The following CMPK2 variants were observed in gnomAD, a reference collection of about 807,000 sequenced individuals.
CMPK2 encodes UMP-CMP kinase 2, mitochondrial.
CMPK2 carries 32 observed loss-of-function variants against 33.4 expected under a neutral mutation model. The observed-to-expected ratio is 0.96, with a 90% CI of 0.72 to 1.29. CMPK2 has a LOEUF of 1.29. CMPK2 is among the 50% of genes most tolerant of loss of function. CMPK2 has a pLI of 0.00. For missense variants in CMPK2, 672 were observed against 616.0 expected (o/e 1.09, Z -0.96); for synonymous variants, 299 against 275.3 (o/e 1.09, Z -0.85).
At chr2:6,841,420 A>C (rs972008809) in intron 3 of CMPK2, among the ~76,000 whole-genome samples, 1 of 152,156 alleles carries the variant, frequency 6.6e-6, no homozygotes, top group African/African-American at 2.4e-5. Flanking sequence ...AGATCTTATA[A>C]GCATTAACAA....
rs1434090167 is a variant in CMPK2, at chr2:6,848,627, G to A, written c.*1223C>T. The A allele has an allele frequency of 1.0e-6, 1 of 966,458 alleles. No individual in the cohort carries two copies. The highest frequency in any genetic ancestry group is 1.2e-6 in the Non-Finnish European group (1 of 812,534). The allele number at this position is 966,458 out of a possible 1,614,324, so 59.9% of individuals were successfully genotyped here. Reference sequence around the variant, plus strand: ...AGATTCTATATGCAGACCTGATAAAGCCTTAAATTTAATTATTTTGGAGTA... The same window carrying A: ...AGATTCTATATGCAGACCTGATAAAACCTTAAATTTAATTATTTTGGAGTA... On this transcript the variant is annotated 3_prime_UTR_variant, in exon 5 of 5. Transcript: ENST00000256722.
chr2:6,853,859 G>A (rs1240140146), intron 3 of CMPK2, among the ~76,000 whole-genome samples: 12 of 151,950 alleles, frequency 7.9e-5, no homozygotes, highest in East Asian at 3.9e-4. Flanking sequence ...CCGAGATCGC[G>A]CCACTGCACT....
At chr2:6,846,047 AGGAGTT>A (rs1432249510), downstream of CMPK2, among the ~76,000 whole-genome samples, 6 of 152,204 alleles carry the variant, frequency 3.9e-5, no homozygotes, top group African/African-American at 1.4e-4. Context: ...TTGGGAAACA[AGGAGTT>A]TGGGGCAGAG....
downstream of CMPK2, among the ~76,000 whole-genome samples, chr2:6,847,609 G>C (rs2103215767): frequency 6.6e-6 from 1 of 152,278 alleles, no homozygotes; most frequent in East Asian, 1.9e-4. Context: ...GGTGGGCCGA[G>C]GGCTCTCTGG....
intron 1 of CMPK2, 48 bp from the exon 2 acceptor site, chr2:6,863,626 C>T (rs1223639386): frequency 1.5e-6 from 2 of 1,366,472 alleles, no homozygotes; most frequent in South Asian, 1.2e-5. Context: ...GGGGCTTTTG[C>T]AGAAATCACA....
In CMPK2 at chr2:6,840,640, T is replaced by G. The variant is rs546614655; in HGVS notation, c.1031A>C (p.His344Pro). ...CCCACAAACTTCACTGCCGAGCAGG[T>G]GGAGAGAAGGATGGTATAAGGTTCC... The change falls in exon 4 of 4, where the codon CAC becomes CCC. Residue 344 changes from histidine (H) to proline (P), a missense_variant. Coordinates refer to the CMPK2 transcript ENST00000458098. 48 of 702,192 alleles carry G rather than the reference T, an allele frequency of 6.8e-5. 1 individual carries two copies. The Middle Eastern group carries it at 2.5e-3, about 37-fold the overall frequency. 43.5% of individuals were successfully genotyped at this position (702,192 alleles called of 1,614,324 possible).
At chr2:6,853,383 G>A (rs367746955) in intron 3 of CMPK2, among the ~76,000 whole-genome samples, 30 of 152,076 alleles carry the variant, frequency 2.0e-4, no homozygotes, top group African/African-American at 4.3e-4. Context: ...TGTGTCCCCC[G>A]CCCCACCTGT....
chr2:6,847,318 C>T (rs1662386488), downstream of CMPK2, among the ~76,000 whole-genome samples: 1 of 152,188 alleles, frequency 6.6e-6, no homozygotes, highest in Admixed American at 6.5e-5. Flanking sequence ...CTAACTGGAG[C>T]CCACTGTGCC....
chr2:6,850,922 G>T, intron 4 of CMPK2: 2 of 991,142 alleles, frequency 2.0e-6, no homozygotes, highest in Non-Finnish European at 2.4e-6. Flanking sequence ...AACACTGGCT[G>T]CAAAATCAGA....
At chr2:6,853,635 G>C (rs1206593392) in intron 3 of CMPK2, among the ~76,000 whole-genome samples, 1 of 152,154 alleles carries the variant, frequency 6.6e-6, no homozygotes, top group South Asian at 2.1e-4. Context: ...CACTGAAAAG[G>C]AAACAAGTAA....
In CMPK2 at chr2:6,849,815, C is replaced by A; in HGVS notation, c.*35G>T. 2.5e-6 allele frequency: 4 copies of A among 1,612,090 alleles called. No individual in the cohort carries two copies. Among genetic ancestry groups the A allele is most frequent in the Non-Finnish European group, 3.4e-6 (4 of 1,179,380 alleles). ...TGGATGTAGATGTTTCAAACAACAT[C>A]TAATCTAGTTAGACGTGGCACCTGG... On this transcript the variant is annotated 3_prime_UTR_variant, in exon 5 of 5. Transcript: ENST00000256722.
chr2:6,846,748 G>C (rs928280120), downstream of CMPK2, among the ~76,000 whole-genome samples: 4 of 152,206 alleles, frequency 2.6e-5, no homozygotes, highest in Non-Finnish European at 4.4e-5. Context: ...AATCCCACAT[G>C]ATGGCTAGGC....
At chr2:6,852,848 T>C (rs1317310406) in intron 3 of CMPK2, among the ~76,000 whole-genome samples, 1 of 152,206 alleles carries the variant, frequency 6.6e-6, no homozygotes, top group Non-Finnish European at 1.5e-5. Flanking sequence ...AGATCCAATA[T>C]AAAAGGACCA....
rs1275695722 is a variant in CMPK2, at chr2:6,848,591, A to C, written c.*1259T>G. 5.2e-6 allele frequency: 5 copies of C among 958,368 alleles called. No homozygotes were observed. The highest frequency in any genetic ancestry group is 6.2e-6 in the Non-Finnish European group (5 of 805,334). The allele number at this position is 958,368 out of a possible 1,614,324, so 59.4% of individuals were successfully genotyped here. A position where few individuals can be genotyped will look rare whatever the true frequency, so the allele number is the denominator to read the frequency against. ...TCCTATGACATTAACATGAAACTTT[A>C]TTAGAATTTAAGATTCTATATGCAG... On this transcript the variant is annotated 3_prime_UTR_variant, in exon 5 of 5. Transcript: ENST00000256722.
At chr2:6,844,666 CCTT>C (rs1662313541), downstream of CMPK2, among the ~76,000 whole-genome samples, 1 of 152,186 alleles carries the variant, frequency 6.6e-6, no homozygotes, top group African/African-American at 2.4e-5. Flanking sequence ...CACTTGTTCA[CCTT>C]CTTTTTCTCT....
At position 6,863,447 on chromosome 2, in the gene CMPK2, AG is replaced by A; in HGVS notation, c.790+16del. On this transcript the variant is annotated intron_variant, in intron 2 of 4. Coordinates refer to ENST00000256722, the MANE Select transcript of CMPK2 (RefSeq NM_207315.4). ...GTTAGTGTCATTGCCTATAACTAAA[AG>A]GTAATATTATCTTACCCGTGGCATC... 6.3e-7 allele frequency: 1 copy of A among 1,585,736 alleles called. No homozygotes were observed. The highest frequency in any genetic ancestry group is 2.2e-5 in the East Asian group (1 of 44,720).
intron 4 of CMPK2, chr2:6,850,505 C>T (rs1201143126): frequency 1.3e-5 from 2 of 153,186 alleles, no homozygotes; most frequent in Non-Finnish European, 2.9e-5. Flanking sequence ...CCTTATAGCA[C>T]TGTGGTTAAA....
In CMPK2 at chr2:6,848,643, T is replaced by C; in HGVS notation, c.*1207A>G. On this transcript the variant is annotated 3_prime_UTR_variant, in exon 5 of 5. Coordinates refer to ENST00000256722, the MANE Select transcript of CMPK2 (RefSeq NM_207315.4). ...CCTGATAAAGCCTTAAATTTAATTA[T>C]TTTGGAGTAATGTCTTCTTAAGAAA... 1.0e-6 allele frequency: 1 copy of C among 972,568 alleles called. No individual in the cohort carries two copies. Among genetic ancestry groups the C allele is most frequent in the Non-Finnish European group, 1.2e-6 (1 of 817,848 alleles). 60.2% of individuals were successfully genotyped at this position (972,568 alleles called of 1,614,324 possible).
chr2:6,855,809 T>C (rs1044936780), intron 3 of CMPK2, among the ~76,000 whole-genome samples: 2 of 152,186 alleles, frequency 1.3e-5, no homozygotes, highest in Admixed American at 6.5e-5. Context: ...CCACACACTT[T>C]ATTCTCCACA....
Sources: allele counts gnomAD v4.1 joint callset (sites outside exome capture counted in the v4.1 genomes callset), GRCh38; gene constraint gnomAD v4.1.1; transcripts MANE v1.5; gene names NCBI Gene and HGNC (gene_info 2026-07-23, HGNC 2026-07-21).